The following CECR2 variants were observed in gnomAD, a reference collection of about 807,000 sequenced individuals.
CECR2 encodes the protein chromatin remodeling regulator CECR2.
Under a neutral mutation model 154.5 loss-of-function variants are expected in CECR2, and 30 were observed. The observed-to-expected ratio is 0.19, with a 90% CI of 0.15 to 0.26. CECR2 has a LOEUF of 0.26. Among genes scored for constraint, CECR2 ranks in the 10% least tolerant of loss-of-function variants. The probability of loss-of-function intolerance (pLI) is 1.00; values close to 1 mark genes in which losing one functional copy is unlikely to be tolerated. For synonymous variants in CECR2, 725 were observed against 683.7 expected, an observed-to-expected ratio of 1.06 and a Z score of -0.94; for missense variants, 1,743 against 1,829.3, an observed-to-expected ratio of 0.95 and a Z score of 0.86.
intron 4 of CECR2, among the ~76,000 whole-genome samples, chr22:17,500,071 C>T (rs1386674543): frequency 1.3e-5 from 2 of 151,990 alleles, no homozygotes; most frequent in Non-Finnish European, 2.9e-5. Context: ...ATTAGCCAGG[C>T]GTGGTGGCGG....
At chr22:17,520,670 C>T (rs947592333) in intron 8 of CECR2, among the ~76,000 whole-genome samples, 15 of 151,932 alleles carry the variant, frequency 9.9e-5, no homozygotes, top group African/African-American at 3.4e-4. Context: ...TGAGAACATG[C>T]GGTGTTTGGT....
At chr22:17,412,422 C>T (rs1240806489) in intron 1 of CECR2, among the ~76,000 whole-genome samples, 1 of 152,200 alleles carries the variant, frequency 6.6e-6, no homozygotes, top group African/African-American at 2.4e-5. Context: ...CTCTTCACTA[C>T]TTTGTGTGCC....
chr22:17,476,409 G>A (rs553963080), intron 1 of CECR2, among the ~76,000 whole-genome samples: 4 of 151,866 alleles, frequency 2.6e-5, no homozygotes, highest in South Asian at 2.1e-4. Flanking sequence ...TCACAGGTGC[G>A]TGCCACCATG....
chr22:17,372,679 A>G (rs1202454295), intron 1 of CECR2, among the ~76,000 whole-genome samples: 1 of 152,164 alleles, frequency 6.6e-6, no homozygotes, highest in Non-Finnish European at 1.5e-5. Context: ...AAATAAATAT[A>G]TTAATTAATT....
intron 1 of CECR2, among the ~76,000 whole-genome samples, chr22:17,385,423 G>C (rs1480865727): frequency 6.6e-6 from 1 of 152,212 alleles, no homozygotes; most frequent in Non-Finnish European, 1.5e-5. Context: ...TAATTGGCCT[G>C]GTTTAAATGT....
At chr22:17,433,548 T>C (rs968677107) in intron 1 of CECR2, among the ~76,000 whole-genome samples, 3 of 152,168 alleles carry the variant, frequency 2.0e-5, no homozygotes, top group Admixed American at 1.3e-4. Flanking sequence ...TGGGCTCAAG[T>C]AGTCCTCCCA....
intron 8 of CECR2, among the ~76,000 whole-genome samples, chr22:17,523,005 G>GGGGC (rs1165814341): frequency 2.2e-5 from 3 of 134,440 alleles, no homozygotes; most frequent in Non-Finnish European, 5.0e-5. Context: ...ACTCCATCTC[G>GGGGC]GGGGGAAAAA....
At chr22:17,364,230 C>A (rs1466956940) in intron 1 of CECR2, among the ~76,000 whole-genome samples, 1 of 149,764 alleles carries the variant, frequency 6.7e-6, no homozygotes, top group East Asian at 2.0e-4. Flanking sequence ...GTAGTCCCAG[C>A]TACTCCGGAG....
chr22:17,518,085 G>T (rs775406524), intron 8 of CECR2, among the ~76,000 whole-genome samples: 12 of 152,016 alleles, frequency 7.9e-5, no homozygotes, highest in Non-Finnish European at 1.5e-4. Flanking sequence ...TTGCTGATTT[G>T]CCTCAGAGCC....
intron 1 of CECR2, among the ~76,000 whole-genome samples, chr22:17,466,679 G>C (rs142585845): frequency 4.0e-4 from 60 of 149,716 alleles, no homozygotes; most frequent in African/African-American, 1.4e-3. Flanking sequence ...ACTTCAGCCT[G>C]CACCTCCCGG....
intron 2 of CECR2, among the ~76,000 whole-genome samples, chr22:17,480,453 CA>C (rs2055289116): frequency 6.8e-6 from 1 of 147,498 alleles, no homozygotes; most frequent in Non-Finnish European, 1.5e-5. Context: ...CACACACACA[CA>C]CACACAGAGA....
intron 2 of CECR2, among the ~76,000 whole-genome samples, chr22:17,482,571 G>A (rs1478497787): frequency 1.3e-5 from 2 of 151,724 alleles, no homozygotes; most frequent in East Asian, 3.9e-4. Flanking sequence ...TCTCACTCTG[G>A]CACCCAGGCT....
chr22:17,421,238 T>C (rs2054241909), intron 1 of CECR2, among the ~76,000 whole-genome samples: 1 of 152,154 alleles, frequency 6.6e-6, no homozygotes, highest in African/African-American at 2.4e-5. Context: ...TCCCAGCACG[T>C]TGGGAGGCCG....
Position 17,508,370 on chromosome 22 carries a change from C to T in CECR2, c.870+3354C>T, listed in dbSNP as rs144904954. ...TGCAAGCTCCATTCATGATAAGTGC[C>T]CTATCTCGGTGTGTCAGTTCTTAAA... On this transcript the variant is annotated intron_variant, in intron 7 of 18. Transcript: ENST00000262608. Among the ~76,000 whole-genome samples the T allele has an allele frequency of 5.5e-3, 832 of 152,030 alleles. 6 individuals carry two copies. The highest frequency in any genetic ancestry group is 0.019 in the African/African-American group (786 of 41,452).
At chr22:17,455,766 A>C (rs1199589426) in intron 1 of CECR2, among the ~76,000 whole-genome samples, 1 of 152,142 alleles carries the variant, frequency 6.6e-6, no homozygotes, top group East Asian at 1.9e-4. Flanking sequence ...GCACACCAGC[A>C]CGCCCGGCTA....
intron 1 of CECR2, among the ~76,000 whole-genome samples, chr22:17,415,057 G>A (rs927565793): frequency 6.6e-6 from 1 of 152,138 alleles, no homozygotes; most frequent in South Asian, 2.1e-4. Flanking sequence ...AAGATGAATG[G>A]TTAATTCACT....
chr22:17,537,610 A>G (rs2056457023), intron 10 of CECR2, among the ~76,000 whole-genome samples: 1 of 152,246 alleles, frequency 6.6e-6, no homozygotes, highest in Admixed American at 6.5e-5. Flanking sequence ...CAAGAGGCAG[A>G]TACACATTCA....
intron 8 of CECR2, among the ~76,000 whole-genome samples, chr22:17,519,332 C>T (rs2056116271): frequency 6.7e-6 from 1 of 150,096 alleles, no homozygotes; most frequent in South Asian, 2.1e-4. Flanking sequence ...CATTCTGTCA[C>T]CCAGGCTGGA....
At chr22:17,498,492 G>GTGGT (rs1569122338) in intron 3 of CECR2, among the ~76,000 whole-genome samples, 1 of 152,124 alleles carries the variant, frequency 6.6e-6, no homozygotes, top group Non-Finnish European at 1.5e-5. Flanking sequence ...GTGATTAAAT[G>GTGGT]TGGTGATGAC....
Sources: allele counts gnomAD v4.1 joint callset (sites outside exome capture counted in the v4.1 genomes callset), GRCh38; gene constraint gnomAD v4.1.1; transcripts MANE v1.5; gene names NCBI Gene and HGNC (gene_info 2026-07-23, HGNC 2026-07-21).